Variants in ABCB11 observed in about 807,000 individuals in gnomAD.
The protein encoded by ABCB11 is ATP binding cassette subfamily B member 11, also known as bile salt export pump.
A neutral mutation model predicts 148.0 loss-of-function variants in ABCB11; 95 were observed. The ratio of observed to expected loss-of-function variants is 0.64; its 90% CI spans 0.54 to 0.76. The LOEUF (loss-of-function observed/expected upper bound fraction) is 0.76, where lower values mean the gene tolerates loss of function less well. ABCB11 is among the 30% of genes least tolerant of loss of function. ABCB11 has a pLI of 0.00. For synonymous variants in ABCB11, 591 were observed against 555.4 expected (o/e 1.06, Z -0.90); for missense variants, 1,523 against 1,617.8 (o/e 0.94, Z 1.01).
At chr2:168,972,871 T>C (rs1693646801) in intron 13 of ABCB11, among the ~76,000 whole-genome samples, 1 of 152,080 alleles carries the variant, frequency 6.6e-6, no homozygotes, top group Admixed American at 6.6e-5. Flanking sequence ...ATTTACCTGA[T>C]GAATGACCCT....
chr2:168,950,140 TACACACAC>T (rs36026125), intron 19 of ABCB11, among the ~76,000 whole-genome samples: 17 of 144,030 alleles, frequency 1.2e-4, no homozygotes, highest in East Asian at 2.1e-4. Flanking sequence ...TATATATATA[TACACACAC>T]ACACACACAC....
intron 1 of ABCB11, among the ~76,000 whole-genome samples, chr2:169,026,268 C>G (rs1695691613): frequency 6.6e-6 from 1 of 152,162 alleles, no homozygotes; most frequent in Non-Finnish European, 1.5e-5. Context: ...TCTTTCTCAG[C>G]ATCAAGTGCA....
At chr2:168,944,080 A>T (rs1359084412) in intron 21 of ABCB11, among the ~76,000 whole-genome samples, 1 of 151,984 alleles carries the variant, frequency 6.6e-6, no homozygotes, top group Non-Finnish European at 1.5e-5. Flanking sequence ...TTTACACACC[A>T]CAGCTCTGTC....
chr2:168,921,121 C>CT lies in ABCB11; in HGVS notation c.*2500dup, dbSNP rs1353283462. Among the ~76,000 whole-genome samples, 26 of 152,174 alleles carry CT rather than the reference C, an allele frequency of 1.7e-4. No homozygotes were observed. Among genetic ancestry groups the CT allele is most frequent in the African/African-American group, 6.0e-4 (25 of 41,440 alleles). ...AACCTTAATTTCCTCTAAAAGGCAT[C>CT]TTTACTCTGCAACTTACTCGTCATT... On this transcript the variant is annotated 3_prime_UTR_variant, in exon 28 of 28. Transcript: ENST00000650372.
At chr2:168,956,958 G>A (rs918976149) in intron 19 of ABCB11, among the ~76,000 whole-genome samples, 4 of 151,610 alleles carry the variant, frequency 2.6e-5, no homozygotes, top group African/African-American at 9.7e-5. Flanking sequence ...TGGGTAAGCT[G>A]CCTTAGATCC....
intron 12 of ABCB11, among the ~76,000 whole-genome samples, chr2:168,974,474 G>T (rs1327149429): frequency 2.0e-5 from 3 of 151,968 alleles, no homozygotes; most frequent in Non-Finnish European, 4.4e-5. Flanking sequence ...TACTGATTAT[G>T]GAAAATGTGG....
chr2:169,016,530 C>G (rs1265714185), intron 3 of ABCB11, among the ~76,000 whole-genome samples: 1 of 152,210 alleles, frequency 6.6e-6, no homozygotes, highest in Non-Finnish European at 1.5e-5. Flanking sequence ...CCTCCTCCCT[C>G]TTAGGTCAGG....
At chr2:168,993,417 T>C (rs969964027) in intron 8 of ABCB11, among the ~76,000 whole-genome samples, 2 of 152,036 alleles carry the variant, frequency 1.3e-5, no homozygotes, top group Non-Finnish European at 2.9e-5. Flanking sequence ...CTTTATAAGA[T>C]TGTTGTAAAG....
Position 169,018,096 on chromosome 2 carries a change from T to A in ABCB11, c.30A>T (p.Ile10=). 1 of 1,613,680 alleles carries A rather than the reference T, an allele frequency of 6.2e-7. No individual in the cohort carries two copies. The highest frequency in any genetic ancestry group is 8.5e-7 in the Non-Finnish European group (1 of 1,179,692). The change falls in exon 2 of 28, where the codon ATA becomes ATT. Residue 10 remains isoleucine (I), a synonymous_variant. Transcript: ENST00000650372. MSDSVILRS[I]KKFGEENDGF... ...CATCATTCTCCTCTCCAAATTTCTT[T>A]ATACTTCGAAGAATTACTGAGTCAG...
intron 17 of ABCB11, among the ~76,000 whole-genome samples, chr2:168,968,130 A>AT (rs4000815): frequency 4.9e-5 from 5 of 101,452 alleles, no homozygotes; most frequent in African/African-American, 1.2e-4. Flanking sequence ...CTAAACACAG[A>AT]TTTTTTTTAA....
chr2:168,990,963 A>G (rs1276679202), intron 8 of ABCB11, 38 bp from the exon 9 acceptor site: 1 of 1,605,826 alleles, frequency 6.2e-7, no homozygotes, highest in Admixed American at 1.7e-5. Context: ...TGTGAAGTCC[A>G]AGAAATTAGG....
downstream of ABCB11, among the ~76,000 whole-genome samples, chr2:168,920,536 C>T (rs1177067020): frequency 1.5e-5 from 2 of 132,354 alleles, no homozygotes; most frequent in Non-Finnish European, 3.2e-5. Context: ...CTTTATCTTC[C>T]AATCCTTCTA....
intron 19 of ABCB11, among the ~76,000 whole-genome samples, chr2:168,956,907 C>G (rs1422037779): frequency 6.6e-6 from 1 of 151,610 alleles, no homozygotes; most frequent in East Asian, 2.0e-4. Context: ...ACTGTTTGCC[C>G]ATATCCAAAA....
At chr2:168,992,942 T>C (rs1268092125) in intron 8 of ABCB11, among the ~76,000 whole-genome samples, 1 of 152,092 alleles carries the variant, frequency 6.6e-6, no homozygotes, top group East Asian at 1.9e-4. Flanking sequence ...ACAGTTTTAG[T>C]ATGCCTGATT....
intron 16 of ABCB11, 100 bp downstream of exon 16, chr2:168,969,250 G>T: frequency 1.8e-6 from 2 of 1,131,672 alleles, no homozygotes; most frequent in Non-Finnish European, 2.5e-6. Flanking sequence ...TGCCAGAGTT[G>T]TTGGGAGAAC....
chr2:168,944,026 C>T (rs1692189823), intron 21 of ABCB11, among the ~76,000 whole-genome samples: 1 of 151,984 alleles, frequency 6.6e-6, no homozygotes, highest in South Asian at 2.1e-4. Flanking sequence ...AGTCTAGCCT[C>T]ATCATATGTG....
At chr2:168,945,238 C>A (rs1692251295) in intron 19 of ABCB11, among the ~76,000 whole-genome samples, 1 of 151,666 alleles carries the variant, frequency 6.6e-6, no homozygotes, top group African/African-American at 2.4e-5. Context: ...TATGGGAAAT[C>A]TCTGTACCTT....
rs1382897404 is a variant in ABCB11 at position 169,018,071 on chromosome 2, C to G, written c.55G>C (p.Gly19Arg). The change falls in exon 2 of 28, where the codon GGT becomes CGT. Residue 19 changes from glycine to arginine, a missense_variant. By Grantham distance (125) the Gly-to-Arg change is moderately radical. Transcript: ENST00000650372. The part of the protein sequence containing the change: ...SIKKFGEEND[G>R]FESDKSYNND... ...TCACATGATTTATCTGACTCAAAAC[C>G]ATCATTCTCCTCTCCAAATTTCTTT... 2 of 1,613,402 alleles carry G rather than the reference C, an allele frequency of 1.2e-6. No homozygotes were observed. The highest frequency in any genetic ancestry group is 1.7e-6 in the Non-Finnish European group (2 of 1,179,596).
intron 5 of ABCB11, among the ~76,000 whole-genome samples, chr2:169,009,937 A>G (rs1695132243): frequency 6.6e-6 from 1 of 152,148 alleles, no homozygotes. Flanking sequence ...AACTGAATAT[A>G]TATTGCTAAG....
Sources: allele counts gnomAD v4.1 joint callset (sites outside exome capture counted in the v4.1 genomes callset), GRCh38; gene constraint gnomAD v4.1.1; transcripts MANE v1.5; gene names NCBI Gene and HGNC (gene_info 2026-07-23, HGNC 2026-07-21).